PCNX4: variants seen among roughly 807,000 people sequenced by gnomAD.
PCNX4 encodes the protein pecanex-like protein 4.
A neutral mutation model predicts 107.2 loss-of-function variants in PCNX4; 103 were observed. That is an observed-to-expected ratio of 0.96 (90% CI 0.82 to 1.13). The LOEUF is 1.13. PCNX4 is among the 50% of genes most tolerant of loss of function. The pLI, the probability that PCNX4 is intolerant of heterozygous loss-of-function variation, is 0.00. For missense variants in PCNX4, 1,528 were observed against 1,379.4 expected (o/e 1.11, Z -1.71); for synonymous variants, 541 against 481.7 (o/e 1.12, Z -1.61).
intron 1 of PCNX4, among the ~76,000 whole-genome samples, chr14:60,095,383 A>G (rs1407065630): frequency 1.3e-5 from 2 of 152,204 alleles, no homozygotes; most frequent in African/African-American, 4.8e-5. Context: ...GGGTAACTGC[A>G]CCTGTAAGCT....
chr14:60,122,427 A>G (rs957996345), intron 8 of PCNX4, among the ~76,000 whole-genome samples: 6 of 151,414 alleles, frequency 4.0e-5, no homozygotes, highest in Non-Finnish European at 8.8e-5. Flanking sequence ...CCTCCTGGCT[A>G]TTCCCTCTGC....
intron 1 of PCNX4, among the ~76,000 whole-genome samples, chr14:60,097,841 C>T (rs1235469607): frequency 6.6e-6 from 1 of 152,202 alleles, no homozygotes; most frequent in African/African-American, 2.4e-5. Context: ...TCACACACAA[C>T]TACCCAAAAA....
chr14:60,097,157 C>G (rs1013647648), intron 1 of PCNX4, among the ~76,000 whole-genome samples: 1 of 152,186 alleles, frequency 6.6e-6, no homozygotes, highest in Admixed American at 6.5e-5. Flanking sequence ...TCTAAACCCC[C>G]CAACCATCAC....
At chr14:60,133,725 G>A in intron 10 of PCNX4, 1 of 615,866 alleles carries the variant, frequency 1.6e-6, no homozygotes, top group Admixed American at 2.3e-5. Flanking sequence ...CTAAGATTTT[G>A]CCTAATGGTG....
Position 60,129,103 on chromosome 14 carries a change from C to T in PCNX4, c.3267+3280C>T, listed in dbSNP as rs185032402. Reference sequence around the variant, plus strand: ...TGGTGGTGGGTGCCTGTAATCCCAGCTACTCGGGCGCCTGTAATCCCAGCT... The same window carrying T: ...TGGTGGTGGGTGCCTGTAATCCCAGTTACTCGGGCGCCTGTAATCCCAGCT... On this transcript the variant is annotated intron_variant, in intron 10 of 10. Coordinates refer to ENST00000406854, the MANE Select transcript of PCNX4 (RefSeq NM_001330177.2). Among the ~76,000 whole-genome samples, 7 of 151,922 alleles carry T rather than the reference C, an allele frequency of 4.6e-5. No individual in the cohort carries two copies. In the East Asian group the frequency reaches 1.4e-3, roughly 29 times the overall value.
rs530383030 is a variant in PCNX4, at chr14:60,125,825, T to A, written c.3267+2T>A. The A allele has an allele frequency of 1.3e-6, 2 of 1,588,960 alleles. No individual in the cohort carries two copies. The highest frequency in any genetic ancestry group is 2.7e-5 in the African/African-American group (2 of 73,536). On this transcript the variant is annotated splice_donor_variant, in intron 10 of 10. Coordinates refer to ENST00000406854, the MANE Select transcript of PCNX4 (RefSeq NM_001330177.2). LOFTEE classifies it high-confidence loss of function. ...TCTCTGGGGTATGATTCTAATATGG[T>A]AAGGTTAAAAAATTTTTAAACTTAC...
In PCNX4 at chr14:60,093,352, TC is replaced by T. The variant is rs561549386; in HGVS notation, c.-54+939del. On this transcript the variant is annotated intron_variant, in intron 1 of 10. Transcript: ENST00000406854. ...TTACCCTCAGCAGTCACCACCTCCCTCCCCCCATTATCCTTACCCCACCAGC... is the reference window on the plus strand; with the variant it reads ...TTACCCTCAGCAGTCACCACCTCCCTCCCCCATTATCCTTACCCCACCAGC... 2.2e-4 allele frequency among the ~76,000 whole-genome samples: 34 copies of T among 151,932 alleles called. No homozygotes were observed. The South Asian group carries it at 7.1e-3, about 32-fold the overall frequency.
chr14:60,121,161 C>CTTTTTTTTTTTTTTTTTTTTTTTTTTTTT, intron 7 of PCNX4, 35 bp from the exon 8 acceptor site: 1 of 1,101,176 alleles, frequency 9.1e-7, no homozygotes, highest in Non-Finnish European at 1.2e-6. Context: ...AAATGATTTT[C>CTTTTTTTTTTTTTTTTTTTTTTTTTTTTT]TTTTTTTTTT....
At chr14:60,128,927 A>T (rs1304044002) in intron 10 of PCNX4, among the ~76,000 whole-genome samples, 1 of 152,168 alleles carries the variant, frequency 6.6e-6, no homozygotes, top group Non-Finnish European at 1.5e-5. Context: ...TAAGGTTAAC[A>T]TAAGGCTGGG....
intron 10 of PCNX4, among the ~76,000 whole-genome samples, chr14:60,128,917 T>A (rs532385932): frequency 6.6e-6 from 1 of 152,126 alleles, no homozygotes; most frequent in African/African-American, 2.4e-5. Flanking sequence ...CATTTTTTTT[T>A]AAGGTTAACA....
rs1379925855 is a variant in PCNX4 at position 60,121,238 on chromosome 14, A to T, written c.1985A>T (p.Asp662Val). ...TCTCATTACTTGGGCCGTTTTCAGG[A>T]TCGTTTAATGTGGATAATGATTCTG... ...PGSHYLGRFQ[D>V]RLMWIMILEC... Residue 662 changes from aspartate (D) to valine (V), a missense_variant, in exon 8 of 11, where the codon GAT becomes GTT. Asp to Val is a radical substitution (Grantham distance 152). Coordinates refer to ENST00000406854, the MANE Select transcript of PCNX4 (RefSeq NM_001330177.2). 6.3e-7 allele frequency: 1 copy of T among 1,581,498 alleles called. No individual in the cohort carries two copies. The highest frequency in any genetic ancestry group is 2.3e-5 in the East Asian group (1 of 43,166).
chr14:60,133,756 A>G (rs973167052), intron 10 of PCNX4: 47 of 652,586 alleles, frequency 7.2e-5, no homozygotes, highest in Non-Finnish European at 7.7e-5. Context: ...CTGCCAGGAA[A>G]CTTTTATTTA....
At chr14:60,109,648 C>G (rs1016295598) in intron 2 of PCNX4, 2 of 163,996 alleles carry the variant, frequency 1.2e-5, no homozygotes, top group African/African-American at 4.8e-5. Context: ...GCCATGTTGG[C>G]CAGGCTGGTC....
intron 7 of PCNX4, 73 bp downstream of exon 7, chr14:60,118,765 A>G: frequency 1.4e-6 from 2 of 1,436,742 alleles, no homozygotes; most frequent in Non-Finnish European, 1.8e-6. Context: ...AAACAGGAAA[A>G]CAATCTTTTT....
chr14:60,121,161 C>CT (rs747483127), intron 7 of PCNX4, 35 bp from the exon 8 acceptor site: 209,482 of 1,076,728 alleles, frequency 0.19, 556 homozygotes, highest in Non-Finnish European at 0.21. Context: ...AAATGATTTT[C>CT]TTTTTTTTTT....
In PCNX4 at chr14:60,114,061, TAGTTA is replaced by T. The variant is rs1357700188; in HGVS notation, c.690-634_690-630del. Among the ~76,000 whole-genome samples, 9 of 152,324 alleles carry T rather than the reference TAGTTA, an allele frequency of 5.9e-5. No individual in the cohort carries two copies. In the East Asian group the frequency reaches 1.5e-3, roughly 26 times the overall value. On this transcript the variant is annotated intron_variant, in intron 2 of 10. Coordinates refer to ENST00000406854, the MANE Select transcript of PCNX4 (RefSeq NM_001330177.2). The stretch of plus-strand genomic sequence containing the variant: ...TACAAAATGGAAGTGTTGTAAATGC[TAGTTA>T]AGTTCTTAGGTTAAGCTGCAGAGAT...
Position 60,141,398 on chromosome 14 carries a change from A to C in PCNX4, c.*7177A>C, listed in dbSNP as rs1333605404. On this transcript the variant is annotated 3_prime_UTR_variant, in exon 11 of 11. Coordinates refer to ENST00000406854, the MANE Select transcript of PCNX4 (RefSeq NM_001330177.2). ...CCATAAACCTGTAGAAAGACTGACA[A>C]AAAGAAAAAACACAAATCATTATTA... 1 of 152,234 alleles carries C rather than the reference A, an allele frequency of 6.6e-6. No individual in the cohort carries two copies. Among genetic ancestry groups the C allele is most frequent in the East Asian group, 1.9e-4 (1 of 5,206 alleles). 9.4% of individuals were successfully genotyped at this position (152,234 alleles called of 1,614,324 possible).
At chr14:60,103,713 C>T (rs1193161651) in intron 1 of PCNX4, among the ~76,000 whole-genome samples, 1 of 152,160 alleles carries the variant, frequency 6.6e-6, no homozygotes, top group Non-Finnish European at 1.5e-5. Context: ...TCCTGCTTTG[C>T]TGATGATGGA....
At position 60,143,952 on chromosome 14, in the gene PCNX4, C is replaced by T. The variant is rs1036754300; in HGVS notation, c.*9731C>T. ...AGTAAGGAGTTGCCAGTGGAATCTT[C>T]CTGAGCTGAATCTAATCATGGCTTT... On this transcript the variant is annotated 3_prime_UTR_variant, in exon 11 of 11. Coordinates refer to ENST00000406854, the MANE Select transcript of PCNX4 (RefSeq NM_001330177.2). The T allele has an allele frequency of 6.6e-6, 1 of 152,222 alleles. No individual in the cohort carries two copies. Among genetic ancestry groups the T allele is most frequent in the Non-Finnish European group, 1.5e-5 (1 of 68,038 alleles). The allele number at this position is 152,222 out of a possible 1,614,324, so 9.4% of individuals were successfully genotyped here. A position where few individuals can be genotyped will look rare whatever the true frequency, so the allele number is the denominator to read the frequency against.
Sources: gnomAD v4.1 joint callset for allele counts (sites outside exome capture counted in the v4.1 genomes callset) on GRCh38, gnomAD v4.1.1 for gene constraint, MANE v1.5 for transcripts, NCBI Gene and HGNC (gene_info 2026-07-23, HGNC 2026-07-21) for gene names.